Variants in LMF1 observed in about 807,000 individuals in gnomAD.
LMF1 encodes the protein transmembrane protein 112.
Under a neutral mutation model 60.6 loss-of-function variants are expected in LMF1, and 68 were observed. The observed-to-expected ratio is 1.12, with a 90% CI of 0.92 to 1.37. LMF1 has a LOEUF of 1.37. LMF1 is among the 40% of genes most tolerant of loss of function. LMF1 has a pLI of 0.00. For missense variants in LMF1, 948 were observed against 767.2 expected (o/e 1.24, Z -2.78); for synonymous variants, 418 against 324.7 (o/e 1.29, Z -3.09).
rs574882811 is a variant in LMF1, at chr16:978,640, C to A, written c.-135+2505G>T. Among the ~76,000 whole-genome samples the A allele has an allele frequency of 3.3e-3, 510 of 152,288 alleles. 7 individuals carry two copies. The highest frequency in any genetic ancestry group is 2.3e-3 in the Non-Finnish European group (154 of 68,008). On this transcript the variant is annotated intron_variant, in intron 1 of 6. Transcript: ENST00000570014. ...CATCAGGGTATACTTGAAACGTACA[C>A]TCCCCCTGAAACTGCAAGGCCCACT...
intron 3 of LMF1, among the ~76,000 whole-genome samples, chr16:911,696 A>AGCAGCACTGGGGAG (rs1369064182): frequency 0.069 from 4,422 of 64,466 alleles, 369 homozygotes; most frequent in African/African-American, 0.21. Context: ...GCACTGGGGG[A>AGCAGCACTGGGGAG]GCAGCACTGG....
chr16:863,722 G>A (rs117141944), intron 10 of LMF1, among the ~76,000 whole-genome samples: 3,222 of 152,232 alleles, frequency 0.021, 43 homozygotes, highest in Non-Finnish European at 0.031. Flanking sequence ...TGGCGTTAAC[G>A]TCCTGGGTTC....
chr16:915,566 C>T (rs1211656877), intron 3 of LMF1, among the ~76,000 whole-genome samples: 3 of 151,970 alleles, frequency 2.0e-5, no homozygotes, highest in Admixed American at 6.6e-5. Flanking sequence ...GGGCACCTGG[C>T]GGCTGCTCTG....
At chr16:886,494 C>G (rs1211755700) in intron 5 of LMF1, among the ~76,000 whole-genome samples, 1 of 152,010 alleles carries the variant, frequency 6.6e-6, no homozygotes, top group Non-Finnish European at 1.5e-5. Context: ...CAAAACCACC[C>G]TGCAGCGGGC....
At chr16:859,117 G>A (rs368525269) in intron 10 of LMF1, among the ~76,000 whole-genome samples, 1 of 127,544 alleles carries the variant, frequency 7.8e-6, no homozygotes, top group Non-Finnish European at 1.6e-5. Context: ...GTGATGTCTC[G>A]GGACGGGTGT....
At chr16:862,579 T>C (rs1228957845) in intron 10 of LMF1, among the ~76,000 whole-genome samples, 1 of 152,128 alleles carries the variant, frequency 6.6e-6, no homozygotes, top group Non-Finnish European at 1.5e-5. Context: ...AAATTGAGGC[T>C]GGGTACAGTG....
chr16:869,179 A>G, intron 9 of LMF1, 123 bp from the exon 10 acceptor site: 1 of 741,408 alleles, frequency 1.3e-6, no homozygotes, highest in Non-Finnish European at 2.5e-6. Context: ...TTCCCTGGGC[A>G]GCCGCACTCC....
intron 1 of LMF1, chr16:977,120 G>C (rs1288756882): frequency 4.4e-6 from 2 of 453,960 alleles, no homozygotes; most frequent in African/African-American, 2.0e-5. Flanking sequence ...AAGACTCACT[G>C]AGTGGTTTTC....
intron 10 of LMF1, chr16:855,876 G>T (rs759359078): frequency 2.2e-6 from 1 of 456,052 alleles, no homozygotes; most frequent in South Asian, 1.5e-5. Flanking sequence ...GGAGACCTTG[G>T]GCCATGCCCC....
At position 970,877 on chromosome 16, in the gene LMF1, C is replaced by A. The variant is rs759097865; in HGVS notation, c.104G>T (p.Arg35Leu). The A allele has an allele frequency of 6.4e-7, 1 of 1,569,224 alleles. No homozygotes were observed. The highest frequency in any genetic ancestry group is 1.4e-5 in the African/African-American group (1 of 72,374). Reference protein sequence around the residue: ...PEPESPPAPGRGPAGSPAHLH... With the variant: ...PEPESPPAPGLGPAGSPAHLH... ...ATGGGCCGGAGAGCCTGCGGGGCCA[C>A]GCCCCGGCGCGGGCGGCGACTCAGG... The change falls in exon 1 of 11, where the codon CGT becomes CTT. Residue 35 changes from arginine to leucine, a missense_variant. Arg to Leu is a moderately radical substitution (Grantham distance 102). Transcript: ENST00000262301.
At chr16:975,952 G>C (rs1302582599), upstream of LMF1, 1 of 453,792 alleles carries the variant, frequency 2.2e-6, no homozygotes, top group East Asian at 7.0e-5. Flanking sequence ...TCGGTGTTGG[G>C]AGGTTTCAAA....
At chr16:914,635 C>T in intron 3 of LMF1, among the ~76,000 whole-genome samples, 1 of 152,156 alleles carries the variant, frequency 6.6e-6, no homozygotes, top group Non-Finnish European at 1.5e-5. Flanking sequence ...ATTGGTGACA[C>T]ACTCCCTCCC....
intron 4 of LMF1, chr16:899,276 G>C (rs2070744973): frequency 6.6e-6 from 1 of 152,216 alleles, no homozygotes; most frequent in Admixed American, 6.5e-5. Context: ...GGGGGCTGCA[G>C]CTGGGGGCCA....
rs191152216 is a variant in LMF1 at position 895,614 on chromosome 16, G to A, written c.664-2542C>T. Among the ~76,000 whole-genome samples, 12 of 152,266 alleles carry A rather than the reference G, an allele frequency of 7.9e-5. No homozygotes were observed. In the East Asian group the frequency reaches 2.1e-3, roughly 27 times the overall value. On this transcript the variant is annotated intron_variant, in intron 4 of 10. Coordinates refer to ENST00000262301, the MANE Select transcript of LMF1 (RefSeq NM_022773.4). ...CCAACGTGTTTGGAACATGGGGCTC[G>A]CGAGACTGGCGGGGGAGTGGGAGAG...
intron 4 of LMF1, chr16:902,510 A>G: frequency 6.4e-6 from 1 of 155,654 alleles, no homozygotes; most frequent in Non-Finnish European, 1.4e-5. Context: ...TCCAGGGCTC[A>G]AAGCACATGG....
intron 10 of LMF1, chr16:854,971 C>T (rs995565666): frequency 6.1e-5 from 34 of 557,870 alleles, no homozygotes; most frequent in African/African-American, 5.7e-4. Flanking sequence ...CCCAGCAGGG[C>T]CCACTTGGCA....
intron 1 of LMF1, chr16:976,658 T>C (rs959284638): frequency 1.3e-5 from 6 of 453,842 alleles, no homozygotes; most frequent in Admixed American, 4.7e-5. Context: ...ACCCCCACAC[T>C]GAGAGTGGAG....
intron 6 of LMF1, chr16:872,362 C>T (rs2069823533): frequency 6.6e-6 from 1 of 152,246 alleles, no homozygotes. Context: ...GTGAGGGCAG[C>T]CACATCAGTG....
At chr16:955,870 T>A (rs1189801974) in intron 1 of LMF1, among the ~76,000 whole-genome samples, 1 of 152,066 alleles carries the variant, frequency 6.6e-6, no homozygotes, top group African/African-American at 2.4e-5. Context: ...GCTTGACACT[T>A]ACTGCCTATA....
Sources: allele counts gnomAD v4.1 joint callset (sites outside exome capture counted in the v4.1 genomes callset), GRCh38; gene constraint gnomAD v4.1.1; transcripts MANE v1.5; gene names NCBI Gene and HGNC (gene_info 2026-07-23, HGNC 2026-07-21).